Variants in ESRRG observed in about 807,000 individuals in gnomAD.
ESRRG encodes the protein estrogen related receptor gamma.
A neutral mutation model predicts 44.0 loss-of-function variants in ESRRG; 13 were observed. The observed-to-expected ratio is 0.30, with a 90% CI of 0.19 to 0.47. The LOEUF (loss-of-function observed/expected upper bound fraction) is 0.47. Ranked by LOEUF, ESRRG falls within the 20% of genes least tolerant of loss-of-function variation. The probability of loss-of-function intolerance (pLI) is 1.00; values close to 1 mark genes in which losing one functional copy is unlikely to be tolerated. For missense variants in ESRRG, 395 were observed against 580.6 expected (o/e 0.68, Z 3.29); for synonymous variants, 215 against 214.6 (o/e 1.00, Z -0.02).
chr1:216,917,369 A>G (rs1051187405), intron 2 of ESRRG, among the ~76,000 whole-genome samples: 7 of 152,102 alleles, frequency 4.6e-5, no homozygotes, highest in African/African-American at 1.7e-4. Flanking sequence ...TGAGCAACCA[A>G]TGTAGCCAAT....
chr1:216,596,444 C>T (rs2058453059), intron 3 of ESRRG, among the ~76,000 whole-genome samples: 1 of 152,114 alleles, frequency 6.6e-6, no homozygotes, highest in Non-Finnish European at 1.5e-5. Flanking sequence ...TAGGGAGCCT[C>T]CCGTGGAATA....
intron 2 of ESRRG, among the ~76,000 whole-genome samples, chr1:216,824,401 G>A (rs540625408): frequency 1.3e-3 from 204 of 152,044 alleles, no homozygotes; most frequent in African/African-American, 4.7e-3. Context: ...AGTGGAGATC[G>A]TGTCACTTCA....
At chr1:216,840,984 T>C (rs984896979) in intron 2 of ESRRG, among the ~76,000 whole-genome samples, 1 of 151,088 alleles carries the variant, frequency 6.6e-6, no homozygotes, top group African/African-American at 2.5e-5. Flanking sequence ...AGACCTGAGG[T>C]GAACACAGGC....
intron 1 of ESRRG, among the ~76,000 whole-genome samples, chr1:217,123,217 T>C (rs1580633941): frequency 6.6e-6 from 1 of 152,254 alleles, no homozygotes; most frequent in East Asian, 1.9e-4. Context: ...TGAAAAGGAA[T>C]AGATGATATA....
chr1:216,809,829 T>C (rs971142524), intron 2 of ESRRG, among the ~76,000 whole-genome samples: 3 of 152,134 alleles, frequency 2.0e-5, no homozygotes, highest in African/African-American at 7.2e-5. Context: ...AAATGAGCTG[T>C]CCTCATAGGC....
chr1:217,093,370 GT>G (rs1284075080), upstream of ESRRG, among the ~76,000 whole-genome samples: 7 of 151,998 alleles, frequency 4.6e-5, no homozygotes, highest in East Asian at 1.4e-3. Flanking sequence ...AGTGAGACTT[GT>G]TTTTTTGAAG....
intron 1 of ESRRG, among the ~76,000 whole-genome samples, chr1:217,023,134 A>C (rs2080623766): frequency 6.6e-6 from 1 of 152,214 alleles, no homozygotes; most frequent in African/African-American, 2.4e-5. Context: ...AATTTAATGC[A>C]TGTACTATCA....
rs375921790 is a variant in ESRRG at position 216,832,704 on chromosome 1, C to A, written c.-14+106878G>T. ...ACTGGCTGGGTGCAGTGGCTCATGC[C>A]GGTAATACTAACACTTTGGGAGGCC... On this transcript the variant is annotated intron_variant, in intron 2 of 7. Transcript: ENST00000359162. 1.3e-4 allele frequency among the ~76,000 whole-genome samples: 20 copies of A among 152,206 alleles called. No homozygotes were observed. The South Asian group carries it at 1.7e-3, about 13-fold the overall frequency.
chr1:216,557,496 G>T (rs2057828160), intron 5 of ESRRG, among the ~76,000 whole-genome samples: 1 of 152,000 alleles, frequency 6.6e-6, no homozygotes, highest in Non-Finnish European at 1.5e-5. Context: ...CATTGTCAAC[G>T]GTGTGTGTCA....
rs144763559 is a variant in ESRRG at position 217,001,333 on chromosome 1, C to T, written c.-105-61660G>A. Among the ~76,000 whole-genome samples, 524 of 152,314 alleles carry T rather than the reference C, an allele frequency of 3.4e-3. 3 individuals are homozygous for T. The highest frequency in any genetic ancestry group is 0.025 in the Admixed American group (379 of 15,296). On this transcript the variant is annotated intron_variant, in intron 1 of 7. Coordinates refer to the ESRRG transcript ENST00000359162. Reference sequence around the variant, plus strand: ...CACTTGATTACCGTCTTTACAGACCCTTTGCAAGCACCAGAGTCTGAAAAT... The same window carrying T: ...CACTTGATTACCGTCTTTACAGACCTTTTGCAAGCACCAGAGTCTGAAAAT...
At chr1:217,006,876 C>A (rs988094565) in intron 1 of ESRRG, among the ~76,000 whole-genome samples, 2 of 152,152 alleles carry the variant, frequency 1.3e-5, no homozygotes, top group African/African-American at 4.8e-5. Context: ...GCATGCTCCA[C>A]CTGTATTTAG....
intron 2 of ESRRG, among the ~76,000 whole-genome samples, chr1:216,809,428 A>T (rs1342153736): frequency 6.6e-6 from 1 of 152,002 alleles, no homozygotes; most frequent in Non-Finnish European, 1.5e-5. Context: ...CATCCTATGA[A>T]GCAGTATGAT....
chr1:216,584,291 C>T (rs1366386682), intron 3 of ESRRG, among the ~76,000 whole-genome samples: 3 of 141,072 alleles, frequency 2.1e-5, no homozygotes, highest in Non-Finnish European at 4.6e-5. Flanking sequence ...GAGTCTTGTT[C>T]TGTTGCCCAG....
chr1:216,544,119 T>C (rs1258006085), intron 5 of ESRRG, among the ~76,000 whole-genome samples: 1 of 152,042 alleles, frequency 6.6e-6, no homozygotes, highest in Non-Finnish European at 1.5e-5. Flanking sequence ...AGGTATCAAA[T>C]GCAAGTGAAT....
At chr1:216,694,186 T>C (rs950626234) in intron 1 of ESRRG, among the ~76,000 whole-genome samples, 22 of 152,322 alleles carry the variant, frequency 1.4e-4, no homozygotes, top group East Asian at 3.9e-4. Flanking sequence ...ATGGAAGGTA[T>C]ATCTCATTGT....
At chr1:216,644,316 C>T (rs2067051876) in intron 3 of ESRRG, among the ~76,000 whole-genome samples, 1 of 152,118 alleles carries the variant, frequency 6.6e-6, no homozygotes, top group South Asian at 2.1e-4. Context: ...CACTGCCTAC[C>T]TGGAATCTTC....
At chr1:216,914,006 G>T (rs994258498) in intron 2 of ESRRG, among the ~76,000 whole-genome samples, 3 of 152,100 alleles carry the variant, frequency 2.0e-5, no homozygotes, top group African/African-American at 7.2e-5. Context: ...AAACAGAAAT[G>T]ACAACATGGA....
intron 2 of ESRRG, among the ~76,000 whole-genome samples, chr1:216,874,893 T>C (rs944894020): frequency 1.3e-5 from 2 of 152,214 alleles, no homozygotes; most frequent in Non-Finnish European, 2.9e-5. Context: ...CTTCCTGCCC[T>C]TGAACATCAG....
At chr1:217,088,545 A>G (rs1414207274) in intron 1 of ESRRG, among the ~76,000 whole-genome samples, 1 of 151,788 alleles carries the variant, frequency 6.6e-6, no homozygotes, top group Non-Finnish European at 1.5e-5. Flanking sequence ...GTACTACAAC[A>G]CAAACATAGC....
Sources: gnomAD v4.1 joint callset for allele counts (sites outside exome capture counted in the v4.1 genomes callset) on GRCh38, gnomAD v4.1.1 for gene constraint, MANE v1.5 for transcripts, NCBI Gene and HGNC (gene_info 2026-07-23, HGNC 2026-07-21) for gene names.